EBF1: variants seen among roughly 807,000 people sequenced by gnomAD.
EBF1 encodes the protein transcription factor COE1.
A neutral mutation model predicts 68.4 loss-of-function variants in EBF1; 10 were observed. The ratio of observed to expected loss-of-function variants is 0.15; its 90% CI spans 0.09 to 0.25. The LOEUF is 0.25. EBF1 is among the 10% of genes least tolerant of loss of function. EBF1 has a pLI of 1.00. For synonymous variants in EBF1, 298 were observed against 299.8 expected, an observed-to-expected ratio of 0.99 and a Z score of 0.06; for missense variants, 509 against 794.4, an observed-to-expected ratio of 0.64 and a Z score of 4.32.
At chr5:158,971,460 C>CCAGCA (rs1755634573) in intron 6 of EBF1, among the ~76,000 whole-genome samples, 1 of 152,136 alleles carries the variant, frequency 6.6e-6, no homozygotes, top group Non-Finnish European at 1.5e-5. Context: ...GGCCCTGGAC[C>CCAGCA]CAGCAGTACA....
rs187736945 is a variant in EBF1 at position 158,762,159 on chromosome 5, C to A, written c.1036+15254G>T. 5.3e-5 allele frequency among the ~76,000 whole-genome samples: 8 copies of A among 152,272 alleles called. No homozygotes were observed. The East Asian group carries it at 1.5e-3, about 29-fold the overall frequency. ...ATTATGAAGTCCTGAAAGCACTTTT[C>A]TATTACCACCTGGATCCTTAGAAGG... On this transcript the variant is annotated intron_variant, in intron 10 of 15. Coordinates refer to ENST00000313708, the MANE Select transcript of EBF1 (RefSeq NM_024007.5).
intron 7 of EBF1, among the ~76,000 whole-genome samples, chr5:158,825,745 T>C (rs1785961469): frequency 6.6e-6 from 1 of 152,104 alleles, no homozygotes; most frequent in South Asian, 2.1e-4. Context: ...GGAAAAAAGA[T>C]AATACAGAGA....
At chr5:159,001,590 A>G (rs1290829107) in intron 6 of EBF1, among the ~76,000 whole-genome samples, 1 of 151,878 alleles carries the variant, frequency 6.6e-6, no homozygotes, top group African/African-American at 2.4e-5. Flanking sequence ...ACACATACTA[A>G]CCCCCTCTAA....
chr5:158,744,039 TG>T (rs1767009326), intron 10 of EBF1, among the ~76,000 whole-genome samples: 1 of 151,818 alleles, frequency 6.6e-6, no homozygotes, highest in Non-Finnish European at 1.5e-5. Flanking sequence ...GGTGTGGTAG[TG>T]CATACTTGTA....
intron 6 of EBF1, among the ~76,000 whole-genome samples, chr5:159,044,993 C>T (rs962472727): frequency 1.3e-5 from 2 of 152,110 alleles, no homozygotes; most frequent in African/African-American, 4.8e-5. Flanking sequence ...TAAGACCTTA[C>T]CAAATACATT....
At chr5:158,817,319 G>A (rs1783958554) in intron 8 of EBF1, among the ~76,000 whole-genome samples, 1 of 152,004 alleles carries the variant, frequency 6.6e-6, no homozygotes, top group Non-Finnish European at 1.5e-5. Context: ...TAAAATTCAT[G>A]TTGAAATGTA....
At chr5:158,813,255 A>T (rs1392720949) in intron 8 of EBF1, among the ~76,000 whole-genome samples, 2 of 152,192 alleles carry the variant, frequency 1.3e-5, no homozygotes, top group African/African-American at 4.8e-5. Context: ...TTGTTTACGC[A>T]TTAACATAAA....
chr5:158,720,557 TC>T (rs1404689386), intron 11 of EBF1, among the ~76,000 whole-genome samples: 17 of 152,050 alleles, frequency 1.1e-4, no homozygotes, highest in Non-Finnish European at 1.3e-4. Context: ...TAGTTTCCCA[TC>T]CTCTGAGACA....
chr5:158,960,051 C>T (rs549030140), intron 6 of EBF1, among the ~76,000 whole-genome samples: 1 of 152,220 alleles, frequency 6.6e-6, no homozygotes, highest in Non-Finnish European at 1.5e-5. Context: ...CCTTTAAATG[C>T]ACCAGAGAAG....
chr5:158,778,862 G>T (rs1321990541), intron 9 of EBF1, among the ~76,000 whole-genome samples: 1 of 152,158 alleles, frequency 6.6e-6, no homozygotes, highest in Admixed American at 6.5e-5. Flanking sequence ...GACTGTTGAG[G>T]TATGAAGAAC....
Position 158,700,738 on chromosome 5 carries a change from T to A in EBF1, c.1745-1596A>T, listed in dbSNP as rs1756568104. Among the ~76,000 whole-genome samples the A allele has an allele frequency of 2.0e-5, 3 of 152,140 alleles. No individual in the cohort carries two copies. In the South Asian group the frequency reaches 6.2e-4, roughly 32 times the overall value. On this transcript the variant is annotated intron_variant, in intron 15 of 15. Coordinates refer to ENST00000313708, the MANE Select transcript of EBF1 (RefSeq NM_024007.5). ...TTCACAAGGAAATTCAATCCACATGTTTCTGATTCATTTACACGTAAATCA... is the reference window on the plus strand; with the variant it reads ...TTCACAAGGAAATTCAATCCACATGATTCTGATTCATTTACACGTAAATCA...
chr5:158,775,726 C>A (rs1286263606), intron 10 of EBF1, among the ~76,000 whole-genome samples: 3 of 150,122 alleles, frequency 2.0e-5, no homozygotes, highest in African/African-American at 7.4e-5. Context: ...TTCCTGCAGC[C>A]CCATAATGAG....
intron 7 of EBF1, among the ~76,000 whole-genome samples, chr5:158,834,716 T>C (rs888392837): frequency 6.6e-6 from 1 of 152,236 alleles, no homozygotes; most frequent in African/African-American, 2.4e-5. Flanking sequence ...ACAGAATGTC[T>C]TTCCATGTCA....
In EBF1 at chr5:158,943,592, T is replaced by C. The variant is rs149159795; in HGVS notation, c.555-103482A>G. Reference sequence around the variant, plus strand: ...ACATATGCATACAAGACCTCTAACATAACTTCCAGAATCATTCTGGGTTCT... The same window carrying C: ...ACATATGCATACAAGACCTCTAACACAACTTCCAGAATCATTCTGGGTTCT... On this transcript the variant is annotated intron_variant, in intron 6 of 15. Transcript: ENST00000313708. Among the ~76,000 whole-genome samples the C allele has an allele frequency of 6.6e-5, 10 of 152,316 alleles. No individual in the cohort carries two copies. The East Asian group carries it at 1.9e-3, about 29-fold the overall frequency.
intron 7 of EBF1, among the ~76,000 whole-genome samples, chr5:158,828,285 T>TC (rs1479193964): frequency 1.3e-5 from 2 of 152,166 alleles, no homozygotes; most frequent in Non-Finnish European, 2.9e-5. Flanking sequence ...GAATTGTTCC[T>TC]CCCCCAGAAA....
intron 6 of EBF1, among the ~76,000 whole-genome samples, chr5:158,916,141 C>T (rs568925763): frequency 1.3e-5 from 2 of 152,262 alleles, no homozygotes; most frequent in South Asian, 4.2e-4. Context: ...TCCTCCTGAA[C>T]CTACTGAGAA....
At chr5:158,900,519 A>G (rs1210612939) in intron 6 of EBF1, among the ~76,000 whole-genome samples, 1 of 152,184 alleles carries the variant, frequency 6.6e-6, no homozygotes, top group Non-Finnish European at 1.5e-5. Context: ...AATTGATAGC[A>G]TTTGTACAAC....
intron 6 of EBF1, among the ~76,000 whole-genome samples, chr5:158,870,290 G>T (rs1012945008): frequency 2.0e-5 from 3 of 152,182 alleles, no homozygotes; most frequent in African/African-American, 7.2e-5. Flanking sequence ...TTTAGGACAA[G>T]AAAATAAAGT....
intron 6 of EBF1, among the ~76,000 whole-genome samples, chr5:158,903,829 G>A (rs1313995517): frequency 6.6e-6 from 1 of 152,092 alleles, no homozygotes; most frequent in Non-Finnish European, 1.5e-5. Context: ...TGTTGACAGA[G>A]CACTTTACAA....
Sources: gnomAD v4.1 joint callset for allele counts (sites outside exome capture counted in the v4.1 genomes callset) on GRCh38, gnomAD v4.1.1 for gene constraint, MANE v1.5 for transcripts, NCBI Gene and HGNC (gene_info 2026-07-23, HGNC 2026-07-21) for gene names.